Variants in ATP2B2 observed in about 807,000 individuals in gnomAD.
The protein encoded by ATP2B2 is ATPase plasma membrane Ca2+ transporting 2, also known as plasma membrane calcium-transporting ATPase 2.
ATP2B2 carries 15 observed loss-of-function variants against 120.0 expected under a neutral mutation model. That is an observed-to-expected ratio of 0.12 (90% CI 0.08 to 0.19). The LOEUF (loss-of-function observed/expected upper bound fraction) is 0.19. ATP2B2 is among the 10% of genes least tolerant of loss of function. The probability of loss-of-function intolerance (pLI) is 1.00; values close to 1 mark genes in which losing one functional copy is unlikely to be tolerated. For synonymous variants in ATP2B2, 694 were observed against 700.3 expected (o/e 0.99, Z 0.14); for missense variants, 1,045 against 1,719.8 (o/e 0.61, Z 6.94).
In ATP2B2 at chr3:10,563,886, C is replaced by T. The variant is rs1178971433; in HGVS notation, c.-414-29753G>A. Among the ~76,000 whole-genome samples, 13 of 152,234 alleles carry T rather than the reference C, an allele frequency of 8.5e-5. 1 individual carries two copies. The highest frequency in any genetic ancestry group is 8.5e-4 in the Admixed American group (13 of 15,280). On this transcript the variant is annotated intron_variant, in intron 2 of 21. Transcript: ENST00000646379. ...ACACAACTTTTGGTCCAAGAACACACAGCAACTTGTCCAAGAACACACAGT... is the reference window on the plus strand; with the variant it reads ...ACACAACTTTTGGTCCAAGAACACATAGCAACTTGTCCAAGAACACACAGT...
In ATP2B2 at chr3:10,485,666, G is replaced by A. The variant is rs560260956; in HGVS notation, c.-320+19799C>T. 4.2e-4 allele frequency among the ~76,000 whole-genome samples: 64 copies of A among 152,324 alleles called. 1 individual carries two copies. In the South Asian group the frequency reaches 0.013, roughly 31 times the overall value. ...GTGACGCGGGAGTGGAGTGGGGAGAGAGCCTGTCCATCTGCCTACTCACCT... is the reference window on the plus strand; with the variant it reads ...GTGACGCGGGAGTGGAGTGGGGAGAAAGCCTGTCCATCTGCCTACTCACCT... On this transcript the variant is annotated intron_variant, in intron 1 of 22. Coordinates refer to ENST00000360273, the MANE Select transcript of ATP2B2 (RefSeq NM_001001331.4).
chr3:10,401,129 G>A (rs1489161813), intron 4 of ATP2B2, 51 bp from the exon 5 acceptor site: 4 of 1,608,174 alleles, frequency 2.5e-6, no homozygotes, highest in African/African-American at 2.7e-5. Flanking sequence ...TGACTAGAGG[G>A]CTGGAACATT....
At chr3:10,516,617 G>C (rs1432848013) in intron 3 of ATP2B2, among the ~76,000 whole-genome samples, 5 of 152,266 alleles carry the variant, frequency 3.3e-5, no homozygotes, top group South Asian at 2.1e-4. Flanking sequence ...CCAGCCAGGG[G>C]ACTCATGGAC....
At chr3:10,495,380 A>C (rs2125383042) in intron 1 of ATP2B2, among the ~76,000 whole-genome samples, 1 of 152,362 alleles carries the variant, frequency 6.6e-6, no homozygotes, top group South Asian at 2.1e-4. Flanking sequence ...CAGAGGGGCT[A>C]TTCAAGAGGC....
intron 2 of ATP2B2, among the ~76,000 whole-genome samples, chr3:10,606,653 AT>A (rs1364921269): frequency 6.6e-6 from 1 of 151,832 alleles, no homozygotes; most frequent in Non-Finnish European, 1.5e-5. Context: ...AGTTTTGGAG[AT>A]GTGTATCTGT....
intron 2 of ATP2B2, among the ~76,000 whole-genome samples, chr3:10,423,318 GT>G (rs1428779031): frequency 6.6e-6 from 1 of 152,172 alleles, no homozygotes; most frequent in Non-Finnish European, 1.5e-5. Flanking sequence ...CCATTTGACG[GT>G]TGGGAAAATG....
At chr3:10,556,242 G>A (rs17033077) in intron 2 of ATP2B2, among the ~76,000 whole-genome samples, 1 of 152,030 alleles carries the variant, frequency 6.6e-6, no homozygotes, top group African/African-American at 2.4e-5. Flanking sequence ...GAAAACCCAG[G>A]TTCTCCAGGC....
At chr3:10,391,786 C>T (rs1323346651) in intron 5 of ATP2B2, among the ~76,000 whole-genome samples, 4 of 152,332 alleles carry the variant, frequency 2.6e-5, no homozygotes, top group Admixed American at 6.5e-5. Flanking sequence ...ATCCCTTCTT[C>T]GAGGGTTTGG....
chr3:10,456,607 C>T (rs2064269792), intron 1 of ATP2B2, among the ~76,000 whole-genome samples: 1 of 152,252 alleles, frequency 6.6e-6, no homozygotes, highest in Non-Finnish European at 1.5e-5. Context: ...TACTCCCTGC[C>T]TCCAATCGCT....
upstream of ATP2B2, among the ~76,000 whole-genome samples, chr3:10,506,449 C>G (rs774682001): frequency 6.6e-6 from 1 of 152,180 alleles, no homozygotes; most frequent in African/African-American, 2.4e-5. Context: ...ACCCAGGGAC[C>G]CCGGGTGAGG....
At chr3:10,419,056 G>A (rs961584124) in intron 2 of ATP2B2, among the ~76,000 whole-genome samples, 2 of 152,234 alleles carry the variant, frequency 1.3e-5, no homozygotes, top group Non-Finnish European at 2.9e-5. Flanking sequence ...GGTGACTTGG[G>A]CAAATCATTT....
chr3:10,464,305 G>A (rs1436632729), intron 1 of ATP2B2, among the ~76,000 whole-genome samples: 3 of 152,300 alleles, frequency 2.0e-5, no homozygotes, highest in East Asian at 3.9e-4. Flanking sequence ...AGCCATCTGC[G>A]CGGGGACAGA....
intron 1 of ATP2B2, among the ~76,000 whole-genome samples, chr3:10,650,234 A>C (rs1396206147): frequency 6.6e-6 from 1 of 152,256 alleles, no homozygotes. Context: ...AGGTGGTCTC[A>C]GATGGAGTTG....
chr3:10,414,275 G>A (rs1307131298), intron 2 of ATP2B2, among the ~76,000 whole-genome samples: 3 of 152,166 alleles, frequency 2.0e-5, no homozygotes, highest in African/African-American at 7.2e-5. Context: ...AGTGTAAATA[G>A]TTGATAATGT....
Position 10,326,100 on chromosome 3 carries a change from T to C in ATP2B2, c.*2714A>G, listed in dbSNP as rs113606917. 1 of 135,962 alleles carries C rather than the reference T, an allele frequency of 7.4e-6. No homozygotes were observed. Among genetic ancestry groups the C allele is most frequent in the Non-Finnish European group, 1.6e-5 (1 of 62,688 alleles). 8.4% of individuals were successfully genotyped at this position (135,962 alleles called of 1,614,324 possible). ...AGAGATGGTGAGTTCTTTATTTACATTATTGTCTAGATAAAAAAATTCATA... is the reference window on the plus strand; with the variant it reads ...AGAGATGGTGAGTTCTTTATTTACACTATTGTCTAGATAAAAAAATTCATA... On this transcript the variant is annotated 3_prime_UTR_variant, in exon 23 of 23. Transcript: ENST00000360273.
intron 1 of ATP2B2, among the ~76,000 whole-genome samples, chr3:10,628,883 C>T (rs1575574559): frequency 6.6e-6 from 1 of 152,228 alleles, no homozygotes; most frequent in Non-Finnish European, 1.5e-5. Context: ...CTGGTCACAA[C>T]ATTTTCACCA....
chr3:10,476,596 T>C (rs12490253), intron 1 of ATP2B2, among the ~76,000 whole-genome samples: 32,416 of 152,204 alleles, frequency 0.21, 3,911 homozygotes, highest in East Asian at 0.52. Flanking sequence ...TGTGGCTGCA[T>C]GGCACAGGAT....
At chr3:10,380,069 G>A (rs1374600134) in intron 8 of ATP2B2, among the ~76,000 whole-genome samples, 2 of 152,204 alleles carry the variant, frequency 1.3e-5, no homozygotes, top group Non-Finnish European at 2.9e-5. Context: ...CCCTTGGTAG[G>A]GGTATGGCTC....
chr3:10,690,234 C>T (rs887323576), intron 1 of ATP2B2, among the ~76,000 whole-genome samples: 1 of 152,194 alleles, frequency 6.6e-6, no homozygotes, highest in African/African-American at 2.4e-5. Context: ...TCGAAGGAGG[C>T]CCCTTTAAAA....
Sources: gnomAD v4.1 joint callset for allele counts (sites outside exome capture counted in the v4.1 genomes callset) on GRCh38, gnomAD v4.1.1 for gene constraint, MANE v1.5 for transcripts, NCBI Gene and HGNC (gene_info 2026-07-23, HGNC 2026-07-21) for gene names.